Variants in PRKCA observed in about 807,000 individuals in gnomAD.
PRKCA encodes protein kinase C alpha type.
PRKCA carries 27 observed loss-of-function variants against 87.0 expected under a neutral mutation model. The ratio of observed to expected loss-of-function variants is 0.31; its 90% CI spans 0.23 to 0.43. PRKCA has a LOEUF of 0.43. PRKCA is among the 20% of genes least tolerant of loss of function. The probability of loss-of-function intolerance (pLI) is 1.00; values close to 1 mark genes in which losing one functional copy is unlikely to be tolerated. For synonymous variants in PRKCA, 329 were observed against 311.1 expected (o/e 1.06, Z -0.61); for missense variants, 518 against 852.3 (o/e 0.61, Z 4.88).
At chr17:66,336,979 T>C (rs1598600579) in intron 2 of PRKCA, among the ~76,000 whole-genome samples, 7 of 152,168 alleles carry the variant, frequency 4.6e-5, no homozygotes. Context: ...TTAGTAGAGA[T>C]GGGGTTTCAC....
chr17:66,490,736 A>C (rs899134346), intron 2 of PRKCA, among the ~76,000 whole-genome samples: 4 of 152,108 alleles, frequency 2.6e-5, no homozygotes, highest in African/African-American at 9.7e-5. Flanking sequence ...ACAAGCCACT[A>C]TGCCTTGCTA....
intron 2 of PRKCA, among the ~76,000 whole-genome samples, chr17:66,369,626 C>T (rs1015820606): frequency 2.6e-5 from 4 of 152,218 alleles, no homozygotes; most frequent in African/African-American, 9.6e-5. Context: ...CCAGTAAAAC[C>T]TGTGGCATTG....
intron 8 of PRKCA, among the ~76,000 whole-genome samples, chr17:66,730,466 C>T (rs1028112401): frequency 1.1e-4 from 16 of 152,120 alleles, no homozygotes; most frequent in African/African-American, 3.1e-4. Context: ...AAATGCTAAA[C>T]GAGGGGTGGA....
intron 3 of PRKCA, among the ~76,000 whole-genome samples, chr17:66,594,315 G>A (rs1303330068): frequency 6.6e-6 from 1 of 152,168 alleles, no homozygotes; most frequent in Admixed American, 6.5e-5. Flanking sequence ...TGGTTGGGTG[G>A]GGTGGTCTAA....
intron 2 of PRKCA, among the ~76,000 whole-genome samples, chr17:66,405,460 G>A (rs958618846): frequency 2.6e-5 from 4 of 152,120 alleles, no homozygotes; most frequent in Admixed American, 2.0e-4. Flanking sequence ...TCCAGCCCTT[G>A]CTTTCCTTGG....
chr17:66,383,017 G>GT (rs1246023330), intron 2 of PRKCA, among the ~76,000 whole-genome samples: 2 of 152,048 alleles, frequency 1.3e-5, no homozygotes, highest in South Asian at 4.2e-4. Flanking sequence ...TGTGTACTTA[G>GT]TTTTTTTGTA....
rs185131931 is a variant in PRKCA, at chr17:66,338,007, C to G, written c.205+31880C>G. Among the ~76,000 whole-genome samples the G allele has an allele frequency of 4.8e-4, 72 of 151,164 alleles. 1 individual carries two copies. In the South Asian group the frequency reaches 8.6e-3, roughly 18 times the overall value. ...GATTGAACCTGGGAATCTTCCCCCC[C>G]CTCCGCCCCCCTTAATTTCCAATTG... On this transcript the variant is annotated intron_variant, in intron 2 of 16. Coordinates refer to ENST00000413366, the MANE Select transcript of PRKCA (RefSeq NM_002737.3).
intron 3 of PRKCA, among the ~76,000 whole-genome samples, chr17:66,501,503 T>A (rs1030642915): frequency 6.6e-6 from 1 of 152,150 alleles, no homozygotes; most frequent in Non-Finnish European, 1.5e-5. Context: ...AGCGGTGAGC[T>A]CATTCCCTGG....
At chr17:66,378,582 C>A (rs912112318) in intron 2 of PRKCA, among the ~76,000 whole-genome samples, 1 of 152,028 alleles carries the variant, frequency 6.6e-6, no homozygotes, top group Admixed American at 6.6e-5. Context: ...TTTGAATTTG[C>A]CTAGTTTGTA....
chr17:66,339,544 G>C (rs975390646), intron 2 of PRKCA, among the ~76,000 whole-genome samples: 4 of 152,088 alleles, frequency 2.6e-5, no homozygotes, highest in Admixed American at 2.6e-4. Context: ...TGAAAAAACT[G>C]CTCCTATAAA....
Position 66,509,163 on chromosome 17 carries a change from C to CGT in PRKCA, c.288+12893_288+12894dup, listed in dbSNP as rs372457121. Among the ~76,000 whole-genome samples the CGT allele has an allele frequency of 2.1e-3, 286 of 138,198 alleles. 1 individual carries two copies. The highest frequency in any genetic ancestry group is 5.7e-3 in the African/African-American group (215 of 37,856). 90.7% of individuals were successfully genotyped at this position (138,198 alleles called of 152,430 possible). ...ATCAGGGTTCTCCAGAGAAAAGGAA[C>CGT]GTGTGTGTGTGTGTATGTGTGTGTG... On this transcript the variant is annotated intron_variant, in intron 3 of 16. Transcript: ENST00000413366.
intron 8 of PRKCA, among the ~76,000 whole-genome samples, chr17:66,725,638 G>A (rs1242829940): frequency 1.3e-5 from 2 of 148,478 alleles, no homozygotes; most frequent in African/African-American, 5.1e-5. Context: ...TGGTAAAACC[G>A]CATGTCTACA....
chr17:66,788,499 CT>C (rs376744340), intron 15 of PRKCA, among the ~76,000 whole-genome samples: 15 of 148,836 alleles, frequency 1.0e-4, no homozygotes, highest in Admixed American at 2.0e-4. Flanking sequence ...TGATTGCATG[CT>C]TTTTTTTTTA....
intron 8 of PRKCA, among the ~76,000 whole-genome samples, chr17:66,692,772 A>T (rs899111003): frequency 6.6e-6 from 1 of 151,206 alleles, no homozygotes; most frequent in Non-Finnish European, 1.5e-5. Context: ...TTCCCTACCC[A>T]CTCTTTCATA....
At position 66,805,171 on chromosome 17, in the gene PRKCA, G is replaced by C; in HGVS notation, c.*1134G>C. 1.0e-6 allele frequency: 1 copy of C among 966,374 alleles called. No homozygotes were observed. Among genetic ancestry groups the C allele is most frequent in the Non-Finnish European group, 1.2e-6 (1 of 812,524 alleles). 59.9% of individuals were successfully genotyped at this position (966,374 alleles called of 1,614,324 possible). On this transcript the variant is annotated 3_prime_UTR_variant, in exon 17 of 17. Coordinates refer to ENST00000413366, the MANE Select transcript of PRKCA (RefSeq NM_002737.3). Reference sequence around the variant, plus strand: ...TTGGTTCCCATTTCTAGTTCACGTTGAATGACAGGCCTGGAGCTGTAGAAT... The same window carrying C: ...TTGGTTCCCATTTCTAGTTCACGTTCAATGACAGGCCTGGAGCTGTAGAAT...
intron 2 of PRKCA, among the ~76,000 whole-genome samples, chr17:66,490,407 G>A (rs1916191385): frequency 6.6e-6 from 1 of 151,238 alleles, no homozygotes; most frequent in Admixed American, 6.6e-5. Flanking sequence ...GCAATGGCAG[G>A]ATCTCAGCTC....
At chr17:66,566,338 G>A (rs1968887925) in intron 3 of PRKCA, among the ~76,000 whole-genome samples, 1 of 152,156 alleles carries the variant, frequency 6.6e-6, no homozygotes, top group South Asian at 2.1e-4. Flanking sequence ...AAAGAAGATG[G>A]ATGCCATTAG....
At chr17:66,737,574 C>T (rs2006687801) in intron 10 of PRKCA, among the ~76,000 whole-genome samples, 2 of 152,236 alleles carry the variant, frequency 1.3e-5, no homozygotes, top group African/African-American at 2.4e-5. Context: ...GGAGGAACCT[C>T]TCAGTGCTTT....
rs1371398205 is a variant in PRKCA at position 66,587,887 on chromosome 17, G to GTATA, written c.289-53467_289-53466insATAT. Among the ~76,000 whole-genome samples, 181 of 98,976 alleles carry GTATA rather than the reference G, an allele frequency of 1.8e-3. 9 individuals carry two copies. The highest frequency in any genetic ancestry group is 2.6e-3 in the Non-Finnish European group (136 of 51,804). 64.9% of individuals were successfully genotyped at this position (98,976 alleles called of 152,430 possible). ...CATATGTATGTGTGTGTGTGTGTGT[G>GTATA]TGTGTGTGTATATATATATATATAT... On this transcript the variant is annotated intron_variant, in intron 3 of 16. Transcript: ENST00000413366.
Sources: allele counts gnomAD v4.1 joint callset (sites outside exome capture counted in the v4.1 genomes callset), GRCh38; gene constraint gnomAD v4.1.1; transcripts MANE v1.5; gene names NCBI Gene and HGNC (gene_info 2026-07-23, HGNC 2026-07-21).